TRAP1: variants seen among roughly 807,000 people sequenced by gnomAD.
TRAP1 encodes the protein heat shock protein 75 kDa, mitochondrial.
A neutral mutation model predicts 89.1 loss-of-function variants in TRAP1; 102 were observed. That is an observed-to-expected ratio of 1.15 (90% CI 0.98 to 1.35). The LOEUF is 1.35. Ranked by LOEUF, TRAP1 falls within the 40% of genes most tolerant of loss-of-function variation. TRAP1 has a pLI of 0.00. For missense variants in TRAP1, 1,256 were observed against 945.3 expected (o/e 1.33, Z -4.31); for synonymous variants, 508 against 388.0 (o/e 1.31, Z -3.64).
chr16:3,690,033 G>C (rs537233286), intron 2 of TRAP1, among the ~76,000 whole-genome samples: 16 of 152,064 alleles, frequency 1.1e-4, no homozygotes, highest in African/African-American at 3.6e-4. Context: ...TTAGAGGCAG[G>C]ATCTGGCTCT....
intron 9 of TRAP1, among the ~76,000 whole-genome samples, chr16:3,673,831 G>T (rs12929402): frequency 0.3 from 45,916 of 151,404 alleles, 8,081 homozygotes; most frequent in East Asian, 0.5. Flanking sequence ...ACCAGGGGAG[G>T]TGGAGGGTGT....
intron 4 of TRAP1, among the ~76,000 whole-genome samples, chr16:3,681,663 T>C (rs145998087): frequency 1.5e-4 from 23 of 152,352 alleles, no homozygotes; most frequent in Non-Finnish European, 2.9e-4. Flanking sequence ...AGTCATTAAA[T>C]ATAAGTTTCA....
chr16:3,696,827 A>G (rs936561493), intron 1 of TRAP1, among the ~76,000 whole-genome samples: 8 of 151,858 alleles, frequency 5.3e-5, no homozygotes, highest in East Asian at 3.9e-4. Flanking sequence ...TCCGGATTCA[A>G]GTGATCCTCC....
At chr16:3,712,585 C>G (rs927445481) in intron 1 of TRAP1, among the ~76,000 whole-genome samples, 2 of 152,112 alleles carry the variant, frequency 1.3e-5, no homozygotes, top group Admixed American at 1.3e-4. Flanking sequence ...CCAATAAACG[C>G]TTTGCTAATC....
At chr16:3,700,418 C>A (rs892616398) in intron 1 of TRAP1, among the ~76,000 whole-genome samples, 2 of 151,718 alleles carry the variant, frequency 1.3e-5, no homozygotes, top group South Asian at 4.2e-4. Context: ...CCGCCCACAT[C>A]GGCCTCCCAA....
chr16:3,674,522 G>A (rs377343764), intron 8 of TRAP1, 28 bp from the exon 9 acceptor site: 62 of 1,609,820 alleles, frequency 3.9e-5, no homozygotes, highest in African/African-American at 1.7e-4. Context: ...CGGGGAGGGC[G>A]TCGTGTTCAC....
At chr16:3,713,486 G>A (rs552866124) in intron 1 of TRAP1, among the ~76,000 whole-genome samples, 2 of 152,322 alleles carry the variant, frequency 1.3e-5, no homozygotes, top group Admixed American at 1.3e-4. Context: ...TTCCAAGACA[G>A]GAAGTTCCAG....
chr16:3,658,835 C>CAGCTGATTCA lies in TRAP1; in HGVS notation c.1961_1970dup (p.Arg658GlufsTer30), dbSNP rs1489081222. The CAGCTGATTCA allele has an allele frequency of 2.5e-6, 4 of 1,614,002 alleles. No individual in the cohort carries two copies. The highest frequency in any genetic ancestry group is 3.4e-6 in the Non-Finnish European group (4 of 1,180,002). On this transcript the variant is annotated frameshift_variant, in exon 17 of 18. Coordinates refer to ENST00000246957, the MANE Select transcript of TRAP1 (RefSeq NM_016292.3). LOFTEE classifies it high-confidence loss of function. The stretch of plus-strand genomic sequence containing the variant: ...GAGCCAGGCCAGGCTCGCTTGCGCG[C>CAGCTGATTCA]AGCTGATTCAGCTTCTTGATGAGCG...
At chr16:3,669,749 C>T (rs2050885547) in intron 11 of TRAP1, among the ~76,000 whole-genome samples, 3 of 145,412 alleles carry the variant, frequency 2.1e-5, no homozygotes, top group South Asian at 2.1e-4. Context: ...AGGAGAATGG[C>T]ATGAACCCGG....
chr16:3,707,925 G>A (rs376732597), intron 1 of TRAP1, among the ~76,000 whole-genome samples: 1 of 151,442 alleles, frequency 6.6e-6, no homozygotes, highest in South Asian at 2.1e-4. Flanking sequence ...CGGCTCCTGC[G>A]TGTAATCCCA....
At chr16:3,682,259 G>A (rs930814936) in intron 4 of TRAP1, among the ~76,000 whole-genome samples, 1 of 151,564 alleles carries the variant, frequency 6.6e-6, no homozygotes, top group African/African-American at 2.4e-5. Context: ...ACCTCTAGAA[G>A]AAAACATAGG....
At chr16:3,660,554 G>A (rs1338605945) in intron 16 of TRAP1, 1 of 152,146 alleles carries the variant, frequency 6.6e-6, no homozygotes, top group Non-Finnish European at 1.5e-5. Context: ...ACTAGTTAAA[G>A]TGACCTGGTG....
At chr16:3,670,322 G>T (rs1299711088) in intron 11 of TRAP1, among the ~76,000 whole-genome samples, 3 of 141,894 alleles carry the variant, frequency 2.1e-5, no homozygotes, top group Non-Finnish European at 4.5e-5. Context: ...GGCGAAGGTT[G>T]CAGTGAGCCG....
intron 11 of TRAP1, among the ~76,000 whole-genome samples, chr16:3,666,791 CTA>C (rs1362457061): frequency 3.3e-5 from 5 of 152,170 alleles, no homozygotes; most frequent in African/African-American, 1.2e-4. Flanking sequence ...TATGTATACT[CTA>C]ATTTTTCAAA....
intron 1 of TRAP1, among the ~76,000 whole-genome samples, chr16:3,696,727 T>A (rs1337425355): frequency 6.6e-6 from 1 of 151,182 alleles, no homozygotes; most frequent in East Asian, 1.9e-4. Context: ...CTAGCTAATT[T>A]TTTTTTTCTT....
chr16:3,662,771 TCTG>T (rs1460754914), intron 15 of TRAP1, 108 bp downstream of exon 15: 3 of 1,011,400 alleles, frequency 3.0e-6, no homozygotes, highest in Non-Finnish European at 4.6e-6. Context: ...ACCAAGGGCT[TCTG>T]CTGCTGCTGG....
Position 3,662,063 on chromosome 16 carries a change from G to C in TRAP1, c.1864C>G (p.Leu622Val). The change falls in exon 16 of 18, where the codon CTG becomes GTG. Residue 622 changes from leucine to valine, a missense_variant. Transcript: ENST00000246957. ...GTCTTGGCCAGCTGCTGCATGCGCA[G>C]GAAGTGGCGGGCAGCCCCCATCTCC... is the stretch of plus-strand genomic sequence containing the variant. ...VLEMGAARHF[L>V]RMQQLAKTQE... The C allele has an allele frequency of 1.2e-6, 2 of 1,613,350 alleles. No homozygotes were observed. The highest frequency in any genetic ancestry group is 1.7e-6 in the Non-Finnish European group (2 of 1,179,938).
At chr16:3,708,293 C>T (rs2051478360) in intron 1 of TRAP1, among the ~76,000 whole-genome samples, 1 of 152,080 alleles carries the variant, frequency 6.6e-6, no homozygotes, top group Admixed American at 6.6e-5. Flanking sequence ...TGAGACTAGC[C>T]TGGCCAACAT....
chr16:3,658,151 ACAAGCAGCTCATT>A lies in TRAP1; in HGVS notation c.2080_2092del (p.Asn694SerfsTer?). On this transcript the variant is annotated frameshift_variant, in exon 18 of 18. Transcript: ENST00000246957. LOFTEE classifies it high-confidence loss of function. ...CTGTCAGTGTCGCTCCAGGGCCTTG[ACAAGCAGCTCATT>A]CAAGCGGCCCACCATGGCCCTAGGG... 2 of 1,614,068 alleles carry A rather than the reference ACAAGCAGCTCATT, an allele frequency of 1.2e-6. No individual in the cohort carries two copies. The highest frequency in any genetic ancestry group is 1.7e-6 in the Non-Finnish European group (2 of 1,180,004).
Sources: gnomAD v4.1 joint callset for allele counts (sites outside exome capture counted in the v4.1 genomes callset) on GRCh38, gnomAD v4.1.1 for gene constraint, MANE v1.5 for transcripts, NCBI Gene and HGNC (gene_info 2026-07-23, HGNC 2026-07-21) for gene names.